DHX57: variants seen among roughly 807,000 people sequenced by gnomAD.
The protein encoded by DHX57 is DExH-box helicase 57, also known as putative ATP-dependent RNA helicase DHX57.
In DHX57, 105 loss-of-function variants were observed where a neutral mutation model predicts 156.2. The observed-to-expected ratio is 0.67, with a 90% CI of 0.57 to 0.79. DHX57 has a LOEUF of 0.79. Among genes scored for constraint, DHX57 ranks in the 30% least tolerant of loss-of-function variants. The pLI is 0.00. For synonymous variants in DHX57, 704 were observed against 595.6 expected (o/e 1.18, Z -2.65); for missense variants, 1,847 against 1,661.9 (o/e 1.11, Z -1.94).
At chr2:38,836,648 C>A (rs1463227285) in intron 13 of DHX57, among the ~76,000 whole-genome samples, 3 of 151,886 alleles carry the variant, frequency 2.0e-5, no homozygotes, top group African/African-American at 4.8e-5. Flanking sequence ...GAGGTGCACA[C>A]CTGTAGTCCC....
chr2:38,820,876 GAA>G (rs200808059), intron 17 of DHX57, among the ~76,000 whole-genome samples: 4 of 112,076 alleles, frequency 3.6e-5, no homozygotes, highest in Non-Finnish European at 3.8e-5. Flanking sequence ...TTTAATGAAG[GAA>G]AAAAAAAAAA....
chr2:38,851,656 C>G (rs1178193511), intron 9 of DHX57, among the ~76,000 whole-genome samples: 1 of 152,122 alleles, frequency 6.6e-6, no homozygotes, highest in African/African-American at 2.4e-5. Context: ...CTATTTTAGC[C>G]AGGAACCAAA....
Position 38,868,424 on chromosome 2 carries a change from A to C in DHX57, c.-6-13T>G. ...AACTCATTTTCACCTGCAAGAGAAA[A>C]AAATTAATGTAGACATCATAAAACC... On this transcript the variant is annotated splice_polypyrimidine_tract_variant and intron_variant, in intron 1 of 23. Coordinates refer to ENST00000457308, the MANE Select transcript of DHX57 (RefSeq NM_198963.3). 1 of 1,609,776 alleles carries C rather than the reference A, an allele frequency of 6.2e-7. No homozygotes were observed. Among genetic ancestry groups the C allele is most frequent in the South Asian group, 1.1e-5 (1 of 91,042 alleles).
rs1210604855 is a variant in DHX57 at position 38,826,030 on chromosome 2, C to A, written c.2831G>T (p.Gly944Val). The change falls in exon 16 of 24, where the codon GGG (glycine) becomes GTG (valine). Residue 944 changes from glycine (G) to valine (V), a missense_variant. Physicochemically the swap from Gly to Val is moderately radical, Grantham distance 109 (BLOSUM62 -3). Transcript: ENST00000457308. Reference protein sequence around the residue: ...MKEKRYDASKGMESLEDTFVS... With the variant: ...MKEKRYDASKVMESLEDTFVS... ...AAAGGTGTCCTCTAGACTTTCCATC[C>A]CTTTGCTGGCATCATATCTATAAAG... 1.9e-6 allele frequency: 3 copies of A among 1,613,872 alleles called. No homozygotes were observed. Among genetic ancestry groups the A allele is most frequent in the Middle Eastern group, 1.6e-4 (1 of 6,084 alleles).
chr2:38,856,708 C>A, intron 6 of DHX57: 1 of 290,446 alleles, frequency 3.4e-6, no homozygotes, highest in Non-Finnish European at 6.3e-6. Context: ...CACCATGTTG[C>A]CCAGGCTGGC....
chr2:38,800,555 G>T (rs1669634736), intron 23 of DHX57, among the ~76,000 whole-genome samples: 1 of 152,132 alleles, frequency 6.6e-6, no homozygotes, highest in African/African-American at 2.4e-5. Context: ...CACACTGTGA[G>T]CCCTGCCAGG....
At chr2:38,812,725 G>T (rs1670315303) in intron 21 of DHX57, among the ~76,000 whole-genome samples, 1 of 151,594 alleles carries the variant, frequency 6.6e-6, no homozygotes, top group Non-Finnish European at 1.5e-5. Flanking sequence ...TAGAGATGGG[G>T]TTTCTCCATA....
At chr2:38,853,298 CT>C (rs1392383184) in intron 9 of DHX57, 3 of 146,232 alleles carry the variant, frequency 2.1e-5, no homozygotes, top group Admixed American at 6.9e-5. Context: ...GTTTTTTTTA[CT>C]TTTCGTGGAA....
At chr2:38,828,656 G>GA (rs1309409192) in intron 13 of DHX57, among the ~76,000 whole-genome samples, 1 of 151,786 alleles carries the variant, frequency 6.6e-6, no homozygotes, top group Non-Finnish European at 1.5e-5. Context: ...CAGGGAGGCG[G>GA]AGTTTGCGGT....
At position 38,810,923 on chromosome 2, in the gene DHX57, T is replaced by C. The variant is rs182649858; in HGVS notation, c.3681+2898A>G. The C allele has an allele frequency of 5.8e-5, 48 of 824,604 alleles. No individual in the cohort carries two copies. In the East Asian group the frequency reaches 1.2e-3, roughly 20 times the overall value. The allele number at this position is 824,604 out of a possible 1,614,324, so 51.1% of individuals were successfully genotyped here. ...TTGCCTGCGACTTCATTCAGGTACA[T>C]GAAGAGCACCAAGGAGGTCTGGTGG... On this transcript the variant is annotated intron_variant, in intron 21 of 23. Coordinates refer to ENST00000457308, the MANE Select transcript of DHX57 (RefSeq NM_198963.3).
chr2:38,858,760 A>T lies in DHX57; in HGVS notation c.1488T>A (p.Tyr496Ter). ...PAPVIVENES[Y>*]VNLKKKISKR... Reference sequence around the variant, plus strand: ...TGGAAATCTTTTTCTTAAGGTTCACATAGCTTTCATTCTCTACTATAACAG... The same window carrying T: ...TGGAAATCTTTTTCTTAAGGTTCACTTAGCTTTCATTCTCTACTATAACAG... The change falls in exon 6 of 24, where the codon TAT becomes TAA. Residue 496 changes from tyrosine to a stop codon, truncating the protein, a stop_gained. Coordinates refer to ENST00000457308, the MANE Select transcript of DHX57 (RefSeq NM_198963.3). LOFTEE classifies it high-confidence loss of function. 6.2e-7 allele frequency: 1 copy of T among 1,614,172 alleles called. No homozygotes were observed. Among genetic ancestry groups the T allele is most frequent in the Non-Finnish European group, 8.5e-7 (1 of 1,180,028 alleles).
intron 10 of DHX57, 33 bp from the exon 11 acceptor site, chr2:38,847,106 G>A: frequency 6.5e-7 from 1 of 1,547,234 alleles, no homozygotes. Context: ...TAGAAAGCCT[G>A]AGAACACCCA....
chr2:38,856,680 T>C, intron 6 of DHX57: 1 of 412,978 alleles, frequency 2.4e-6, no homozygotes. Flanking sequence ...TTTGTATTTT[T>C]TTGTAGAGAC....
At chr2:38,810,998 TCA>T in intron 21 of DHX57, 1 of 771,020 alleles carries the variant, frequency 1.3e-6, no homozygotes. Flanking sequence ...CCTTTTTTAC[TCA>T]GTCTTGAAAA....
At chr2:38,836,114 T>C (rs1211549387) in intron 13 of DHX57, among the ~76,000 whole-genome samples, 1 of 152,266 alleles carries the variant, frequency 6.6e-6, no homozygotes, top group East Asian at 1.9e-4. Flanking sequence ...ACTTCTATTA[T>C]GACGTGGACC....
chr2:38,815,513 T>TTCTTTACC lies in DHX57; in HGVS notation c.3606_3606+7dup. 1.2e-6 allele frequency: 2 copies of TTCTTTACC among 1,613,990 alleles called. No individual in the cohort carries two copies. Among genetic ancestry groups the TTCTTTACC allele is most frequent in the South Asian group, 2.2e-5 (2 of 91,074 alleles). On this transcript the variant is annotated splice_region_variant and intron_variant, in intron 20 of 23. Coordinates refer to ENST00000457308, the MANE Select transcript of DHX57 (RefSeq NM_198963.3). ...AAGAGAAATGAGAACCAACTCCACA[T>TTCTTTACC]TCTTTACCTCTTCTCCTGTGGCATC...
intron 21 of DHX57, chr2:38,810,829 T>C: frequency 1.3e-6 from 1 of 742,386 alleles, no homozygotes; most frequent in Admixed American, 1.7e-5. Flanking sequence ...TGCTGGGGTC[T>C]TGCAGATACC....
chr2:38,827,170 T>C (rs1008985199), intron 14 of DHX57, among the ~76,000 whole-genome samples: 15 of 150,108 alleles, frequency 1.0e-4, no homozygotes, highest in African/African-American at 3.5e-4. Flanking sequence ...AAAGGTAAAG[T>C]CCTTTCTGAT....
At chr2:38,823,304 T>C (rs759385964) in intron 16 of DHX57, 35 bp from the exon 17 acceptor site, 1 of 1,588,606 alleles carries the variant, frequency 6.3e-7, no homozygotes, top group African/African-American at 1.3e-5. Context: ...TTGTCAATTT[T>C]ATTTCTGGTG....
Sources: allele counts gnomAD v4.1 joint callset (sites outside exome capture counted in the v4.1 genomes callset), GRCh38; gene constraint gnomAD v4.1.1; transcripts MANE v1.5; gene names NCBI Gene and HGNC (gene_info 2026-07-23, HGNC 2026-07-21).